CDC42BPA: variants seen among roughly 807,000 people sequenced by gnomAD.
The protein encoded by CDC42BPA is CDC42 binding protein kinase alpha, also known as serine/threonine-protein kinase MRCK alpha.
A neutral mutation model predicts 223.5 loss-of-function variants in CDC42BPA; 80 were observed. The ratio of observed to expected loss-of-function variants is 0.36; its 90% CI spans 0.30 to 0.43. The LOEUF is 0.43. CDC42BPA is among the 20% of genes least tolerant of loss of function. The probability of loss-of-function intolerance (pLI) is 1.00; values close to 1 mark genes in which losing one functional copy is unlikely to be tolerated. For missense variants in CDC42BPA, 1,743 were observed against 2,099.9 expected, an observed-to-expected ratio of 0.83 and a Z score of 3.32; for synonymous variants, 694 against 718.6, an observed-to-expected ratio of 0.97 and a Z score of 0.55.
intron 1 of CDC42BPA, among the ~76,000 whole-genome samples, chr1:227,281,687 T>C (rs1688036915): frequency 6.6e-6 from 1 of 152,008 alleles, no homozygotes; most frequent in Admixed American, 6.5e-5. Context: ...CTAGCCTGAG[T>C]TAGAGCTTTT....
intron 32 of CDC42BPA, among the ~76,000 whole-genome samples, chr1:227,020,532 T>C (rs574367683): frequency 6.6e-6 from 1 of 152,366 alleles, no homozygotes; most frequent in Admixed American, 6.5e-5. Flanking sequence ...TTAAATCTCA[T>C]AAGCCAAACT....
intron 16 of CDC42BPA, among the ~76,000 whole-genome samples, chr1:227,087,512 G>A (rs149701721): frequency 6.6e-6 from 1 of 152,078 alleles, no homozygotes; most frequent in Admixed American, 6.5e-5. Context: ...ACTATTCTTG[G>A]TCTTTTCTAT....
intron 34 of CDC42BPA, among the ~76,000 whole-genome samples, chr1:227,008,279 T>G (rs1468912323): frequency 6.6e-6 from 1 of 152,176 alleles, no homozygotes; most frequent in African/African-American, 2.4e-5. Context: ...TTAGTTAATA[T>G]TGATTTGAAG....
chr1:227,316,443 T>A (rs1008201762), intron 1 of CDC42BPA, among the ~76,000 whole-genome samples: 2 of 152,220 alleles, frequency 1.3e-5, no homozygotes, highest in Non-Finnish European at 2.9e-5. Flanking sequence ...ACAAGATTTT[T>A]AAACTATGTC....
chr1:227,145,266 T>C (rs1223226782), intron 8 of CDC42BPA, among the ~76,000 whole-genome samples: 1 of 152,212 alleles, frequency 6.6e-6, no homozygotes, highest in Non-Finnish European at 1.5e-5. Context: ...GGTAAAACTT[T>C]GAATTTTAAT....
Position 227,031,313 on chromosome 1 carries a change from C to T in CDC42BPA, c.3760G>A (p.Ala1254Thr), listed in dbSNP as rs778052584. ...AAATTCATACCTATGATTGCGGCTGCCTGGGTTGTTTTAATGAGGGGTAGA... is the reference window on the plus strand; with the variant it reads ...AAATTCATACCTATGATTGCGGCTGTCTGGGTTGTTTTAATGAGGGGTAGA... ...STLPLIKTTQAAAIIDHERIA... is the reference protein window; with the variant it reads ...STLPLIKTTQTAAIIDHERIA... The change falls in exon 28 of 37, where the codon GCA becomes ACA. Residue 1254 changes from alanine (A) to threonine (T), a missense_variant. Ala to Thr is a moderately conservative substitution (Grantham distance 58, BLOSUM62 0). Around this residue, in one of 6 missense-constraint regions of CDC42BPA, gnomAD observed 678 missense variants for 777.5 expected, o/e 0.87. Transcript: ENST00000366766. 4 of 1,612,666 alleles carry T rather than the reference C, an allele frequency of 2.5e-6. No homozygotes were observed. The highest frequency in any genetic ancestry group is 3.4e-6 in the Non-Finnish European group (4 of 1,178,800).
Position 226,989,933 on chromosome 1 carries a change from T to C in CDC42BPA, c.*4335A>G, listed in dbSNP as rs949801097. On this transcript the variant is annotated 3_prime_UTR_variant, in exon 37 of 37. Coordinates refer to ENST00000366766, the MANE Select transcript of CDC42BPA (RefSeq NM_001394014.1). ...TATTAAGTGATATCAACATAAAGTATTGGTGAGGAGTCTTTTGTGACATTT... is the reference window on the plus strand; with the variant it reads ...TATTAAGTGATATCAACATAAAGTACTGGTGAGGAGTCTTTTGTGACATTT... 4 of 152,650 alleles carry C rather than the reference T, an allele frequency of 2.6e-5. No homozygotes were observed. The highest frequency in any genetic ancestry group is 9.6e-5 in the African/African-American group (4 of 41,460). The allele number at this position is 152,650 out of a possible 1,614,324, so 9.5% of individuals were successfully genotyped here. A position where few individuals can be genotyped will look rare whatever the true frequency, so the allele number is the denominator to read the frequency against.
chr1:227,002,640 T>C (rs943564336), intron 35 of CDC42BPA, among the ~76,000 whole-genome samples: 1 of 152,236 alleles, frequency 6.6e-6, no homozygotes, highest in Non-Finnish European at 1.5e-5. Context: ...CTGCTGCTTC[T>C]GTCTCTCTGA....
chr1:227,080,910 G>C lies in CDC42BPA; in HGVS notation c.2463C>G (p.Ile821Met), dbSNP rs954896167. 2 of 1,613,652 alleles carry C rather than the reference G, an allele frequency of 1.2e-6. No individual in the cohort carries two copies. The highest frequency in any genetic ancestry group is 1.3e-5 in the African/African-American group (1 of 75,024). ...GCACTCACCACTGAATTATTTCTGT[G>C]ATTTGGGCTTCCCAATGTGCAACTG... ...KESVAHWEAQ[I>M]TEIIQWVSDE... Residue 821 changes from isoleucine (I) to methionine (M), a missense_variant, in exon 17 of 37, where the codon ATC (isoleucine) becomes ATG (methionine). By Grantham distance (10) the Ile-to-Met change is conservative. Transcript: ENST00000366766.
chr1:227,246,538 A>G (rs574116736), intron 2 of CDC42BPA, among the ~76,000 whole-genome samples: 5 of 152,154 alleles, frequency 3.3e-5, no homozygotes, highest in Non-Finnish European at 4.4e-5. Flanking sequence ...GAAAGACCCA[A>G]TATGTTTGGA....
rs1661011298 is a variant in CDC42BPA at position 226,993,566 on chromosome 1, A to G, written c.*702T>C. 1 of 152,646 alleles carries G rather than the reference A, an allele frequency of 6.6e-6. No homozygotes were observed. The highest frequency in any genetic ancestry group is 2.1e-4 in the South Asian group (1 of 4,832). The allele number at this position is 152,646 out of a possible 1,614,324, so 9.5% of individuals were successfully genotyped here. On this transcript the variant is annotated 3_prime_UTR_variant, in exon 37 of 37. Transcript: ENST00000366766. ...CTCTGATTTCTCTCGCTCTCTCTCT[A>G]CAAATGTGAGCTTGAGGCCTTTCCA...
intron 12 of CDC42BPA, among the ~76,000 whole-genome samples, chr1:227,118,358 T>C (rs1688097852): frequency 6.6e-6 from 1 of 152,082 alleles, no homozygotes; most frequent in African/African-American, 2.4e-5. Context: ...GAGCTGTCAC[T>C]TCACATCTAT....
chr1:227,206,686 C>A (rs1467737026), intron 3 of CDC42BPA, among the ~76,000 whole-genome samples: 2 of 152,014 alleles, frequency 1.3e-5, no homozygotes, highest in African/African-American at 4.8e-5. Flanking sequence ...AATACAATTT[C>A]TATTTTAAAG....
intron 24 of CDC42BPA, among the ~76,000 whole-genome samples, chr1:227,037,904 T>TCA (rs2148728742): frequency 6.6e-6 from 1 of 152,268 alleles, no homozygotes; most frequent in Admixed American, 6.5e-5. Context: ...AGACATCAAT[T>TCA]TGAAAAGAGC....
chr1:227,281,690 G>A, intron 1 of CDC42BPA, among the ~76,000 whole-genome samples: 1 of 152,148 alleles, frequency 6.6e-6, no homozygotes, highest in East Asian at 1.9e-4. Context: ...GCCTGAGTTA[G>A]AGCTTTTGCA....
chr1:227,300,897 C>T (rs953215615), intron 1 of CDC42BPA, among the ~76,000 whole-genome samples: 2 of 152,176 alleles, frequency 1.3e-5, no homozygotes, highest in South Asian at 2.1e-4. Context: ...AGCGGGTAAG[C>T]GCTGCTAAAC....
At chr1:227,153,696 G>GA (rs1404643540) in intron 6 of CDC42BPA, among the ~76,000 whole-genome samples, 1 of 151,792 alleles carries the variant, frequency 6.6e-6, no homozygotes, top group Non-Finnish European at 1.5e-5. Flanking sequence ...GGAAGAAAGA[G>GA]AAAGTCCAAC....
chr1:227,311,299 T>TA (rs1201818224), intron 1 of CDC42BPA, among the ~76,000 whole-genome samples: 2 of 152,158 alleles, frequency 1.3e-5, no homozygotes, highest in African/African-American at 4.8e-5. Context: ...GTTGAGGCTG[T>TA]AGTGAGCCAT....
intron 5 of CDC42BPA, among the ~76,000 whole-genome samples, chr1:227,178,630 C>G (rs1020358703): frequency 3.3e-5 from 5 of 152,066 alleles, no homozygotes; most frequent in African/African-American, 9.7e-5. Context: ...TGGGTAGCTA[C>G]GACTACAGGC....
Sources: gnomAD v4.1 joint callset for allele counts (sites outside exome capture counted in the v4.1 genomes callset) on GRCh38, gnomAD v4.1.1 for gene constraint, gnomAD v4.1.1 regional missense constraint, MANE v1.5 for transcripts, NCBI Gene and HGNC (gene_info 2026-07-23, HGNC 2026-07-21) for gene names.